Variants in PPP3R1 observed in about 807,000 individuals in gnomAD.
PPP3R1 encodes the protein protein phosphatase 3 regulatory subunit B, alpha, also known as calcineurin subunit B type 1.
In PPP3R1, 5 loss-of-function variants were observed where a neutral mutation model predicts 22.6. The observed-to-expected ratio is 0.22, with a 90% CI of 0.12 to 0.46. The LOEUF is 0.46. Among genes scored for constraint, PPP3R1 ranks in the 20% least tolerant of loss-of-function variants. The pLI is 0.99. For missense variants in PPP3R1, 61 were observed against 203.2 expected (o/e 0.30, Z 4.25); for synonymous variants, 56 against 65.2 (o/e 0.86, Z 0.68).
chr2:68,197,130 G>A (rs1174392430), intron 2 of PPP3R1, among the ~76,000 whole-genome samples: 1 of 152,136 alleles, frequency 6.6e-6, no homozygotes, highest in Non-Finnish European at 1.5e-5. Flanking sequence ...ATATACCTAT[G>A]GAAGCATCAC....
At chr2:68,219,832 T>C (rs1021912769) in intron 1 of PPP3R1, among the ~76,000 whole-genome samples, 4 of 152,206 alleles carry the variant, frequency 2.6e-5, no homozygotes, top group Non-Finnish European at 5.9e-5. Flanking sequence ...TAAGTTTACA[T>C]AAGAACACTT....
intron 1 of PPP3R1, among the ~76,000 whole-genome samples, chr2:68,244,044 T>C (rs1327537946): frequency 6.6e-6 from 1 of 152,142 alleles, no homozygotes; most frequent in Non-Finnish European, 1.5e-5. Context: ...AATTTTTAAG[T>C]GACTACATTA....
chr2:68,190,647 A>G (rs1674646865), intron 2 of PPP3R1, among the ~76,000 whole-genome samples: 1 of 152,174 alleles, frequency 6.6e-6, no homozygotes, highest in African/African-American at 2.4e-5. Context: ...TTTAGAGAAA[A>G]CAAGTTTAGG....
At position 68,242,404 on chromosome 2, in the gene PPP3R1, C is replaced by T. The variant is rs150837158; in HGVS notation, c.3+9721G>A. 9.7e-3 allele frequency among the ~76,000 whole-genome samples: 1,427 copies of T among 147,844 alleles called. 24 individuals are homozygous for T. Among genetic ancestry groups the T allele is most frequent in the African/African-American group, 0.034 (1,346 of 39,966 alleles). On this transcript the variant is annotated intron_variant, in intron 1 of 5. Coordinates refer to ENST00000234310, the MANE Select transcript of PPP3R1 (RefSeq NM_000945.4). ...TTGCGCCACTGCACTCTAGCCTGGA[C>T]AACAGAGCAAGACTCCGTCTAAAAA...
intron 1 of PPP3R1, among the ~76,000 whole-genome samples, chr2:68,240,831 C>T (rs1389021123): frequency 1.3e-5 from 2 of 152,084 alleles, no homozygotes; most frequent in Non-Finnish European, 2.9e-5. Flanking sequence ...TTTATAATGC[C>T]GGAATTTTAA....
chr2:68,252,068 G>A (rs952652563), intron 1 of PPP3R1, 57 bp downstream of exon 1: 18 of 1,366,084 alleles, frequency 1.3e-5, no homozygotes, highest in Non-Finnish European at 1.5e-5. Flanking sequence ...CCCCGCACCC[G>A]ACCCGGACGG....
At chr2:68,239,882 G>A (rs1343038811) in intron 1 of PPP3R1, among the ~76,000 whole-genome samples, 1 of 152,128 alleles carries the variant, frequency 6.6e-6, no homozygotes, top group African/African-American at 2.4e-5. Context: ...ACAGATGGTC[G>A]CTAACTTAAA....
rs150403517 is a variant in PPP3R1, at chr2:68,183,164, C to A, written c.466-2154G>T. ...TTCCAAAATGAGAAGGCCTTACATA[C>A]CTAAAAGTGTCTTTCTACTACCATT... On this transcript the variant is annotated intron_variant, in intron 5 of 5. Coordinates refer to ENST00000234310, the MANE Select transcript of PPP3R1 (RefSeq NM_000945.4). Among the ~76,000 whole-genome samples, 862 of 152,322 alleles carry A rather than the reference C, an allele frequency of 5.7e-3. 4 individuals are homozygous for A. Among genetic ancestry groups the A allele is most frequent in the Non-Finnish European group, 0.01 (688 of 68,028 alleles).
chr2:68,181,588 A>G (rs556257317), intron 5 of PPP3R1, among the ~76,000 whole-genome samples: 8 of 91,536 alleles, frequency 8.7e-5, no homozygotes, highest in Non-Finnish European at 1.6e-4. Context: ...TTTCTTTCAC[A>G]TTTTCCTTTT....
intron 1 of PPP3R1, among the ~76,000 whole-genome samples, chr2:68,224,640 G>A (rs1381833515): frequency 6.6e-6 from 1 of 151,418 alleles, no homozygotes; most frequent in Non-Finnish European, 1.5e-5. Flanking sequence ...CTCCAGCCTC[G>A]GCAGCAGAGC....
In PPP3R1 at chr2:68,225,692, T is replaced by G. The variant is rs185786682; in HGVS notation, c.4-8561A>C. Among the ~76,000 whole-genome samples the G allele has an allele frequency of 1.4e-4, 21 of 152,330 alleles. No individual in the cohort carries two copies. The East Asian group carries it at 2.5e-3, about 18-fold the overall frequency. On this transcript the variant is annotated intron_variant, in intron 1 of 5. Coordinates refer to ENST00000234310, the MANE Select transcript of PPP3R1 (RefSeq NM_000945.4). ...AGCAACAGAAAACTAATATCCAAACTTATAGTGTATGCGGCTAAAAATAAA... is the reference window on the plus strand; with the variant it reads ...AGCAACAGAAAACTAATATCCAAACGTATAGTGTATGCGGCTAAAAATAAA...
intron 5 of PPP3R1, among the ~76,000 whole-genome samples, chr2:68,182,684 G>A (rs1317292033): frequency 2.7e-5 from 4 of 148,346 alleles, no homozygotes; most frequent in South Asian, 2.1e-4. Context: ...AAGATTAGGC[G>A]GCATGACTCC....
Position 68,252,342 on chromosome 2 carries a change from T to C in PPP3R1, c.-215A>G. The C allele has an allele frequency of 9.9e-7, 1 of 1,010,618 alleles. No individual in the cohort carries two copies. Among genetic ancestry groups the C allele is most frequent in the Non-Finnish European group, 1.2e-6 (1 of 848,566 alleles). The allele number at this position is 1,010,618 out of a possible 1,614,324, so 62.6% of individuals were successfully genotyped here. ...AGCGGGCAGGGTAGGGGGAAATAAATTAAGGTCGAGATTCAGAGCCGGAGA... is the reference window on the plus strand; with the variant it reads ...AGCGGGCAGGGTAGGGGGAAATAAACTAAGGTCGAGATTCAGAGCCGGAGA... On this transcript the variant is annotated 5_prime_UTR_variant, in exon 1 of 6. Transcript: ENST00000234310.
At chr2:68,202,623 C>T (rs1298524496) in intron 2 of PPP3R1, among the ~76,000 whole-genome samples, 2 of 151,018 alleles carry the variant, frequency 1.3e-5, no homozygotes, top group Admixed American at 1.3e-4. Flanking sequence ...CGAGGTTTCA[C>T]CATGTTGGCC....
At chr2:68,241,133 T>C (rs1027277670) in intron 1 of PPP3R1, among the ~76,000 whole-genome samples, 1 of 151,770 alleles carries the variant, frequency 6.6e-6, no homozygotes, top group African/African-American at 2.4e-5. Flanking sequence ...CCCCACCTCT[T>C]AGAAACCAAA....
At chr2:68,250,291 A>C (rs1299238527) in intron 1 of PPP3R1, among the ~76,000 whole-genome samples, 1 of 152,226 alleles carries the variant, frequency 6.6e-6, no homozygotes, top group Non-Finnish European at 1.5e-5. Flanking sequence ...AAACAGAGTT[A>C]ACAGGAAAAT....
chr2:68,244,735 C>G (rs1463085038), intron 1 of PPP3R1, among the ~76,000 whole-genome samples: 3 of 152,058 alleles, frequency 2.0e-5, no homozygotes, highest in Non-Finnish European at 2.9e-5. Flanking sequence ...GTTAATTATC[C>G]TTTGTCTTTC....
At chr2:68,229,405 C>T (rs962041865) in intron 1 of PPP3R1, among the ~76,000 whole-genome samples, 1 of 152,158 alleles carries the variant, frequency 6.6e-6, no homozygotes, top group African/African-American at 2.4e-5. Flanking sequence ...TTACATAGCA[C>T]TGGTTGATTA....
chr2:68,183,370 A>T (rs1014451991), intron 5 of PPP3R1, among the ~76,000 whole-genome samples: 1 of 152,186 alleles, frequency 6.6e-6, no homozygotes, highest in Admixed American at 6.5e-5. Flanking sequence ...GCTCTTTGGA[A>T]ATCTGCAGAA....
Sources: allele counts gnomAD v4.1 joint callset (sites outside exome capture counted in the v4.1 genomes callset), GRCh38; gene constraint gnomAD v4.1.1; transcripts MANE v1.5; gene names NCBI Gene and HGNC (gene_info 2026-07-23, HGNC 2026-07-21).